RSBN1L: variants seen among roughly 807,000 people sequenced by gnomAD.
The protein encoded by RSBN1L is lysine-specific demethylase RSBN1L.
In RSBN1L, 30 loss-of-function variants were observed where a neutral mutation model predicts 67.7. That is an observed-to-expected ratio of 0.44 (90% confidence interval 0.33 to 0.60). The LOEUF is 0.60. RSBN1L is among the 20% of genes least tolerant of loss of function. The pLI is 0.02. For synonymous variants in RSBN1L, 433 were observed against 387.0 expected, an observed-to-expected ratio of 1.12 and a Z score of -1.39; for missense variants, 992 against 1,031.7, an observed-to-expected ratio of 0.96 and a Z score of 0.53.
At chr7:77,731,339 A>G (rs1252826704) in intron 1 of RSBN1L, among the ~76,000 whole-genome samples, 1 of 152,028 alleles carries the variant, frequency 6.6e-6, no homozygotes, top group Admixed American at 6.6e-5. Flanking sequence ...CCTCTCACCT[A>G]AAACTCCCAC....
intron 5 of RSBN1L, among the ~76,000 whole-genome samples, chr7:77,772,333 C>T (rs1406538941): frequency 6.6e-6 from 1 of 152,150 alleles, no homozygotes; most frequent in Non-Finnish European, 1.5e-5. Flanking sequence ...GGGGGTAATA[C>T]AGAGTTGCAT....
intron 1 of RSBN1L, among the ~76,000 whole-genome samples, chr7:77,723,566 T>G (rs2150416784): frequency 6.6e-6 from 1 of 152,168 alleles, no homozygotes; most frequent in South Asian, 2.1e-4. Flanking sequence ...CCTGCTGGGT[T>G]TAAGCGATCC....
At chr7:77,767,749 C>T (rs1239387266) in intron 4 of RSBN1L, among the ~76,000 whole-genome samples, 1 of 92,480 alleles carries the variant, frequency 1.1e-5, no homozygotes, top group African/African-American at 4.4e-5. Flanking sequence ...TCCCCTCCCC[C>T]CTTTTTCCCT....
chr7:77,721,204 A>G (rs921610532), intron 1 of RSBN1L, among the ~76,000 whole-genome samples: 1 of 150,158 alleles, frequency 6.7e-6, no homozygotes, highest in Non-Finnish European at 1.5e-5. Context: ...TGTAAAAGAC[A>G]CTGCTCATTG....
rs1489534519 is a variant in RSBN1L, at chr7:77,778,449, A to AT, written c.1902+8dup. The AT allele has an allele frequency of 3.1e-6, 5 of 1,604,322 alleles. No homozygotes were observed. In the African/African-American group the frequency reaches 6.7e-5, roughly 22 times the overall value. ...TACATGAACCTCCACTGTCCCAGGT[A>AT]TTTTTAATACACTTACTGTCTTTGG... On this transcript the variant is annotated splice_donor_region_variant and intron_variant, in intron 7 of 7. Transcript: ENST00000334955.
chr7:77,773,404 GA>G, intron 6 of RSBN1L, 90 bp downstream of exon 6: 1 of 931,266 alleles, frequency 1.1e-6, no homozygotes, highest in Non-Finnish European at 1.5e-6. Context: ...CTTACTGTGG[GA>G]AAAAAGTTTC....
chr7:77,756,818 G>A (rs902421550), intron 3 of RSBN1L, among the ~76,000 whole-genome samples: 1 of 152,078 alleles, frequency 6.6e-6, no homozygotes, highest in African/African-American at 2.4e-5. Flanking sequence ...CCATCCTCTA[G>A]GTAATTAAGT....
chr7:77,760,956 A>T (rs1035905904), intron 3 of RSBN1L, among the ~76,000 whole-genome samples: 1 of 152,140 alleles, frequency 6.6e-6, no homozygotes, highest in African/African-American at 2.4e-5. Flanking sequence ...ACATGTTTTG[A>T]CTTTTTTTCA....
intron 6 of RSBN1L, among the ~76,000 whole-genome samples, chr7:77,773,748 G>A (rs1056826308): frequency 6.6e-6 from 1 of 152,170 alleles, no homozygotes; most frequent in African/African-American, 2.4e-5. Flanking sequence ...GGGTGACAGA[G>A]CAAGACTCCA....
In RSBN1L at chr7:77,749,273, T is replaced by C; in HGVS notation, c.704-151T>C. On this transcript the variant is annotated intron_variant, in intron 2 of 7. Coordinates refer to ENST00000334955, the MANE Select transcript of RSBN1L (RefSeq NM_198467.3). ...TGTCTCAAAAAAGGCTGACTAAATA[T>C]TGATTATCAATTCTGTAAAAAATGA... 10 of 606,860 alleles carry C rather than the reference T, an allele frequency of 1.6e-5. No individual in the cohort carries two copies. The South Asian group carries it at 2.3e-4, about 14-fold the overall frequency. The allele number at this position is 606,860 out of a possible 1,614,324, so 37.6% of individuals were successfully genotyped here.
At chr7:77,701,354 C>T (rs1311607485) in intron 1 of RSBN1L, among the ~76,000 whole-genome samples, 3 of 151,864 alleles carry the variant, frequency 2.0e-5, no homozygotes, top group East Asian at 1.9e-4. Flanking sequence ...TCATGCCTTC[C>T]TTTTGGTTTC....
intron 1 of RSBN1L, among the ~76,000 whole-genome samples, chr7:77,713,947 A>T (rs1791010773): frequency 6.6e-6 from 1 of 152,230 alleles, no homozygotes. Context: ...AAAATTAGGA[A>T]TCCAAATTAA....
At chr7:77,754,080 C>G (rs1791588055) in intron 3 of RSBN1L, among the ~76,000 whole-genome samples, 1 of 152,092 alleles carries the variant, frequency 6.6e-6, no homozygotes. Context: ...TTCTATCAGC[C>G]AGGCTAGAGT....
At chr7:77,740,045 T>C (rs923025989) in intron 2 of RSBN1L, among the ~76,000 whole-genome samples, 8 of 151,936 alleles carry the variant, frequency 5.3e-5, no homozygotes, top group Non-Finnish European at 1.2e-4. Context: ...AGCCACTGCG[T>C]CCGGCCTGTC....
At chr7:77,767,843 C>T (rs114720649) in intron 4 of RSBN1L, among the ~76,000 whole-genome samples, 17,874 of 47,726 alleles carry the variant, frequency 0.37, 3,951 homozygotes, top group African/African-American at 0.46. Context: ...CTCCCCCCTT[C>T]TCCCTCCCCC....
chr7:77,722,051 A>G (rs1239643722), intron 1 of RSBN1L, among the ~76,000 whole-genome samples: 1 of 152,194 alleles, frequency 6.6e-6, no homozygotes, highest in Admixed American at 6.5e-5. Flanking sequence ...GTTAGGGGAA[A>G]ATTGAAGAAA....
chr7:77,750,754 G>C (rs1044839452), intron 3 of RSBN1L, among the ~76,000 whole-genome samples: 6 of 152,162 alleles, frequency 3.9e-5, no homozygotes, highest in Admixed American at 1.3e-4. Context: ...TATTGATGCT[G>C]TAGTTTTTGG....
chr7:77,738,213 T>C (rs1257515316), intron 2 of RSBN1L, among the ~76,000 whole-genome samples: 1 of 152,170 alleles, frequency 6.6e-6, no homozygotes, highest in Non-Finnish European at 1.5e-5. Flanking sequence ...TGTTCTTGAT[T>C]GAATACTGGA....
chr7:77,725,946 TG>T (rs1374571244), intron 1 of RSBN1L, among the ~76,000 whole-genome samples: 1 of 150,918 alleles, frequency 6.6e-6, no homozygotes, highest in African/African-American at 2.4e-5. Flanking sequence ...TTCTGTAACC[TG>T]CTTTTTTTTT....
Sources: allele counts gnomAD v4.1 joint callset (sites outside exome capture counted in the v4.1 genomes callset), GRCh38; gene constraint gnomAD v4.1.1; transcripts MANE v1.5; gene names NCBI Gene and HGNC (gene_info 2026-07-23, HGNC 2026-07-21).